The following OPRM1 variants were observed in gnomAD, a reference collection of about 807,000 sequenced individuals.
The protein encoded by OPRM1 is mu-type opioid receptor.
A neutral mutation model predicts 31.8 loss-of-function variants in OPRM1; 27 were observed. That is an observed-to-expected ratio of 0.85 (90% CI 0.63 to 1.17). OPRM1 has a LOEUF of 1.17. Ranked by LOEUF, OPRM1 falls within the 50% of genes most tolerant of loss-of-function variation. The pLI is 0.00. For missense variants in OPRM1, 536 were observed against 511.1 expected (o/e 1.05, Z -0.47); for synonymous variants, 196 against 189.9 (o/e 1.03, Z -0.26).
intron 3 of OPRM1, among the ~76,000 whole-genome samples, chr6:154,144,457 A>G (rs138353927): frequency 6.6e-6 from 1 of 152,368 alleles, no homozygotes. Context: ...TAAGAATTAT[A>G]CAACACGGGC....
In OPRM1 at chr6:154,127,106, C is replaced by CA. The variant is rs3070836; in HGVS notation, c.*8399dup. On this transcript the variant is annotated 3_prime_UTR_variant, in exon 4 of 4. Coordinates refer to ENST00000330432, the MANE Select transcript of OPRM1 (RefSeq NM_000914.5). The stretch of plus-strand genomic sequence containing the variant: ...CCTGGGCAACAGAATGAGATTGTCT[C>CA]AAAAAAAAAAAAAAGTGCCACATGC... 4.3e-3 allele frequency among the ~76,000 whole-genome samples: 621 copies of CA among 144,994 alleles called. 12 individuals carry two copies. Among genetic ancestry groups the CA allele is most frequent in the African/African-American group, 7.8e-3 (306 of 39,336 alleles).
intron 3 of OPRM1, among the ~76,000 whole-genome samples, chr6:154,112,369 C>G (rs1392545797): frequency 1.3e-5 from 2 of 152,186 alleles, no homozygotes; most frequent in African/African-American, 4.8e-5. Context: ...GCACAGTAAA[C>G]AGCACAAGTA....
At chr6:154,197,439 T>G (rs1776704478) in intron 3 of OPRM1, among the ~76,000 whole-genome samples, 1 of 152,200 alleles carries the variant, frequency 6.6e-6, no homozygotes, top group African/African-American at 2.4e-5. Flanking sequence ...CAGCAAAAAT[T>G]CTGTAGCATA....
At position 154,102,929 on chromosome 6, in the gene OPRM1, A is replaced by C. The variant is rs1370720564; in HGVS notation, c.1164+11457A>C. ...CCACTAACCAGTTGCAAAAAAAAAA[A>C]AAAAAAACACTCCATACTCATGGAA... On this transcript the variant is annotated intron_variant, in intron 3 of 3. Coordinates refer to ENST00000330432, the MANE Select transcript of OPRM1 (RefSeq NM_000914.5). Among the ~76,000 whole-genome samples the C allele has an allele frequency of 3.3e-5, 5 of 150,310 alleles. No homozygotes were observed. In the East Asian group the frequency reaches 9.7e-4, roughly 29 times the overall value.
chr6:154,065,802 T>A (rs1169895034), intron 1 of OPRM1, among the ~76,000 whole-genome samples: 2 of 152,190 alleles, frequency 1.3e-5, no homozygotes, highest in East Asian at 3.9e-4. Flanking sequence ...ACTCTCATGC[T>A]ACATAGAACA....
intron 1 of OPRM1, among the ~76,000 whole-genome samples, chr6:154,076,178 G>A (rs536451168): frequency 6.6e-5 from 10 of 151,928 alleles, no homozygotes; most frequent in South Asian, 6.2e-4. Context: ...TTAAATTATC[G>A]GAAGAAAATT....
chr6:154,225,589 G>A (rs1462852902), intron 3 of OPRM1, among the ~76,000 whole-genome samples: 1 of 152,158 alleles, frequency 6.6e-6, no homozygotes, highest in Non-Finnish European at 1.5e-5. Context: ...AGGGTCCCAG[G>A]CAGTAGGAAA....
In OPRM1 at chr6:154,241,621, G is replaced by A. The variant is rs571734118; in HGVS notation, c.1165-5072G>A. ...TCATACCTCACCCCTTTTTATTTGC[G>A]TAGTGCGCCCTACATTCTCACTGTT... On this transcript the variant is annotated intron_variant, in intron 3 of 3. Coordinates refer to the OPRM1 transcript ENST00000337049. Among the ~76,000 whole-genome samples the A allele has an allele frequency of 2.0e-4, 30 of 151,934 alleles. No homozygotes were observed. The South Asian group carries it at 3.1e-3, about 16-fold the overall frequency.
chr6:154,154,348 G>A (rs1357586989), intron 3 of OPRM1: 1 of 152,082 alleles, frequency 6.6e-6, no homozygotes, highest in Non-Finnish European at 1.5e-5. Flanking sequence ...AACAAAATGT[G>A]GGTGCCTAGA....
intron 1 of OPRM1, among the ~76,000 whole-genome samples, chr6:154,026,611 G>T (rs376986657): frequency 6.4e-4 from 98 of 152,188 alleles, no homozygotes; most frequent in African/African-American, 2.2e-3. Flanking sequence ...GATCCTGTAA[G>T]TGTGCTTCTT....
intron 3 of OPRM1, among the ~76,000 whole-genome samples, chr6:154,146,260 C>G (rs1193684438): frequency 6.6e-6 from 1 of 152,136 alleles, no homozygotes; most frequent in African/African-American, 2.4e-5. Flanking sequence ...ATCAGCTGAG[C>G]GCGGTGGCGG....
intron 3 of OPRM1, among the ~76,000 whole-genome samples, chr6:154,204,806 A>G (rs1479247931): frequency 6.6e-6 from 1 of 151,872 alleles, no homozygotes; most frequent in Non-Finnish European, 1.5e-5. Flanking sequence ...TCTGCAGAAA[A>G]CCCTCTTATA....
intron 3 of OPRM1, among the ~76,000 whole-genome samples, chr6:154,099,661 A>ATATACATATATACATATATG (rs1794174833): frequency 6.7e-6 from 1 of 149,880 alleles, no homozygotes; most frequent in Non-Finnish European, 1.5e-5. Context: ...ACACACATGT[A>ATATACATATATACATATATG]TATACATATA....
At chr6:154,154,420 C>A (rs948291766) in intron 3 of OPRM1, 3 of 152,104 alleles carry the variant, frequency 2.0e-5, no homozygotes, top group African/African-American at 7.2e-5. Context: ...TTTGAAAAAT[C>A]TAAATATTAT....
intron 3 of OPRM1, among the ~76,000 whole-genome samples, chr6:154,161,720 A>G (rs1035047188): frequency 1.3e-5 from 2 of 152,186 alleles, no homozygotes; most frequent in Non-Finnish European, 2.9e-5. Context: ...AGAAGATGAC[A>G]AGAAACATTT....
chr6:154,165,985 T>C (rs887323596), intron 3 of OPRM1, among the ~76,000 whole-genome samples: 5 of 152,198 alleles, frequency 3.3e-5, no homozygotes, highest in Non-Finnish European at 1.5e-5. Flanking sequence ...TGCAGGAGTT[T>C]AGAAACTGAT....
intron 3 of OPRM1, among the ~76,000 whole-genome samples, chr6:154,153,811 G>A (rs772703435): frequency 6.6e-6 from 1 of 152,170 alleles, no homozygotes; most frequent in Admixed American, 6.5e-5. Context: ...GTAGCCCAGG[G>A]AGTGGGCAAA....
rs1308730166 is a variant in OPRM1, at chr6:154,123,877, C to A, written c.*5156C>A. On this transcript the variant is annotated 3_prime_UTR_variant, in exon 4 of 4. Coordinates refer to ENST00000330432, the MANE Select transcript of OPRM1 (RefSeq NM_000914.5). ...CTTGGTTTTAGTGGGGTTTGGCCGGCTTCTTTACCACATCCTTTTATCAGT... is the reference window on the plus strand; with the variant it reads ...CTTGGTTTTAGTGGGGTTTGGCCGGATTCTTTACCACATCCTTTTATCAGT... 6.6e-6 allele frequency among the ~76,000 whole-genome samples: 1 copy of A among 152,190 alleles called. No individual in the cohort carries two copies. Among genetic ancestry groups the A allele is most frequent in the East Asian group, 1.9e-4 (1 of 5,200 alleles).
At chr6:154,167,273 C>T (rs553085673) in intron 3 of OPRM1, among the ~76,000 whole-genome samples, 1 of 152,340 alleles carries the variant, frequency 6.6e-6, no homozygotes, top group South Asian at 2.1e-4. Flanking sequence ...TTATGAAGAA[C>T]CATTTCAGCT....
Sources: gnomAD v4.1 joint callset for allele counts (sites outside exome capture counted in the v4.1 genomes callset) on GRCh38, gnomAD v4.1.1 for gene constraint, MANE v1.5 for transcripts, NCBI Gene and HGNC (gene_info 2026-07-23, HGNC 2026-07-21) for gene names.